ADCK1: variants seen among roughly 807,000 people sequenced by gnomAD.
ADCK1 encodes the protein aarF domain-containing protein kinase 1.
In ADCK1, 41 loss-of-function variants were observed where a neutral mutation model predicts 52.3. That is an observed-to-expected ratio of 0.78 (90% confidence interval 0.61 to 1.02). The LOEUF (loss-of-function observed/expected upper bound fraction) is 1.02. Among genes scored for constraint, ADCK1 ranks in the 50% least tolerant of loss-of-function variants. ADCK1 has a pLI of 0.00. For missense variants in ADCK1, 658 were observed against 679.5 expected (o/e 0.97, Z 0.35); for synonymous variants, 250 against 274.6 (o/e 0.91, Z 0.89).
intron 3 of ADCK1, among the ~76,000 whole-genome samples, chr14:77,826,656 T>TGGAGGAGA (rs1480535361): frequency 6.6e-6 from 1 of 152,054 alleles, no homozygotes; most frequent in Admixed American, 6.6e-5. Flanking sequence ...GGAATGGGGC[T>TGGAGGAGA]GGAGGAGAGA....
At chr14:77,863,527 G>A (rs2082596623) in intron 4 of ADCK1, among the ~76,000 whole-genome samples, 1 of 152,072 alleles carries the variant, frequency 6.6e-6, no homozygotes, top group Non-Finnish European at 1.5e-5. Context: ...GTCAGATCTT[G>A]TTACAGCCTA....
chr14:77,835,795 C>G (rs1334838919), intron 3 of ADCK1, among the ~76,000 whole-genome samples: 1 of 152,174 alleles, frequency 6.6e-6, no homozygotes, highest in Non-Finnish European at 1.5e-5. Context: ...ACCACCACAC[C>G]TGGCTAATTT....
At chr14:77,801,844 A>G (rs1455893667) in intron 1 of ADCK1, among the ~76,000 whole-genome samples, 1 of 152,106 alleles carries the variant, frequency 6.6e-6, no homozygotes, top group East Asian at 1.9e-4. Flanking sequence ...TGGGAGGCTG[A>G]GGAGGAGAAC....
At chr14:77,918,028 C>T (rs1433102936) in intron 7 of ADCK1, among the ~76,000 whole-genome samples, 4 of 152,174 alleles carry the variant, frequency 2.6e-5, no homozygotes, top group Non-Finnish European at 4.4e-5. Context: ...GATTCCTTCA[C>T]CTGTTTAATG....
chr14:77,902,120 C>G (rs1365910472), intron 6 of ADCK1, among the ~76,000 whole-genome samples: 1 of 152,164 alleles, frequency 6.6e-6, no homozygotes, highest in Non-Finnish European at 1.5e-5. Flanking sequence ...GAGGAAGTGT[C>G]TATATTTTTG....
At chr14:77,900,069 T>TGA (rs1595053483) in intron 6 of ADCK1, among the ~76,000 whole-genome samples, 26 of 48,416 alleles carry the variant, frequency 5.4e-4, no homozygotes, top group African/African-American at 1.8e-3. Context: ...AAACTCCGTC[T>TGA]CAAAAAAAAA....
At chr14:77,835,334 C>T (rs1007197196) in intron 3 of ADCK1, among the ~76,000 whole-genome samples, 1 of 152,218 alleles carries the variant, frequency 6.6e-6, no homozygotes, top group Non-Finnish European at 1.5e-5. Context: ...ATACCTTACC[C>T]ATGCAGTTGT....
intron 4 of ADCK1, among the ~76,000 whole-genome samples, chr14:77,882,956 ACCC>A (rs11303286): frequency 0.051 from 5,025 of 98,542 alleles, 151 homozygotes; most frequent in South Asian, 0.091. Flanking sequence ...TTCTTACACC[ACCC>A]CCCCCCCCGT....
At chr14:77,804,775 C>T (rs1317851644) in intron 1 of ADCK1, among the ~76,000 whole-genome samples, 1 of 152,164 alleles carries the variant, frequency 6.6e-6, no homozygotes, top group Non-Finnish European at 1.5e-5. Context: ...TTTTGGAGCG[C>T]CCCCTATGTG....
intron 6 of ADCK1, among the ~76,000 whole-genome samples, chr14:77,900,110 T>A: frequency 6.9e-6 from 1 of 145,942 alleles, no homozygotes; most frequent in Non-Finnish European, 1.5e-5. Context: ...AATACAGTAA[T>A]ATAGGAAAGA....
At chr14:77,807,509 T>C (rs958697593) in intron 1 of ADCK1, among the ~76,000 whole-genome samples, 1 of 128,324 alleles carries the variant, frequency 7.8e-6, no homozygotes, top group African/African-American at 3.1e-5. Flanking sequence ...GCCCAGCTAA[T>C]TTTTTTTTTT....
intron 9 of ADCK1, 62 bp downstream of exon 9, chr14:77,926,023 T>C: frequency 1.3e-6 from 2 of 1,590,568 alleles, no homozygotes; most frequent in South Asian, 2.2e-5. Context: ...AGAGGTGGCC[T>C]GTGGACCCCT....
At chr14:77,909,452 T>C (rs143540311) in intron 7 of ADCK1, among the ~76,000 whole-genome samples, 40 of 152,262 alleles carry the variant, frequency 2.6e-4, no homozygotes, top group African/African-American at 9.1e-4. Context: ...CTCTTTTCTA[T>C]TCCACTCCCC....
chr14:77,857,459 T>C (rs1323413792), intron 3 of ADCK1, among the ~76,000 whole-genome samples: 5 of 152,184 alleles, frequency 3.3e-5, no homozygotes, highest in Admixed American at 3.3e-4. Context: ...CTATCAAACA[T>C]TGAATTTATC....
intron 6 of ADCK1, among the ~76,000 whole-genome samples, chr14:77,899,867 C>T (rs915032587): frequency 2.6e-5 from 4 of 152,062 alleles, no homozygotes; most frequent in African/African-American, 7.2e-5. Context: ...GTCAGGAGTT[C>T]GAGACCAGCC....
At chr14:77,849,062 T>G (rs541846255) in intron 3 of ADCK1, among the ~76,000 whole-genome samples, 156 of 152,176 alleles carry the variant, frequency 1.0e-3, no homozygotes, top group Non-Finnish European at 1.6e-3. Flanking sequence ...TCTCCTGACC[T>G]CGTGATCTGC....
intron 3 of ADCK1, among the ~76,000 whole-genome samples, chr14:77,846,126 C>T (rs1292837764): frequency 6.6e-6 from 1 of 152,152 alleles, no homozygotes; most frequent in South Asian, 2.1e-4. Flanking sequence ...TTAGTTGCTC[C>T]TCTGACCAGA....
chr14:77,901,006 G>A (rs570017917), intron 6 of ADCK1, among the ~76,000 whole-genome samples: 3 of 151,922 alleles, frequency 2.0e-5, no homozygotes, highest in Non-Finnish European at 4.4e-5. Context: ...ACTGGGTCAG[G>A]GCAGGCTCTG....
At chr14:77,875,439 G>A (rs2082877728) in intron 4 of ADCK1, among the ~76,000 whole-genome samples, 1 of 151,936 alleles carries the variant, frequency 6.6e-6, no homozygotes, top group African/African-American at 2.4e-5. Context: ...AGCAATGTGG[G>A]GTTCAGCATT....
Sources: allele counts gnomAD v4.1 joint callset (sites outside exome capture counted in the v4.1 genomes callset), GRCh38; gene constraint gnomAD v4.1.1; transcripts MANE v1.5; gene names NCBI Gene and HGNC (gene_info 2026-07-23, HGNC 2026-07-21).